SLC16A11: variants seen among roughly 807,000 people sequenced by gnomAD.
SLC16A11 encodes solute carrier family 16 member 11.
In SLC16A11, 24 loss-of-function variants were observed where a neutral mutation model predicts 26.0. The ratio of observed to expected loss-of-function variants is 0.92; its 90% CI spans 0.67 to 1.30. The LOEUF (loss-of-function observed/expected upper bound fraction) is 1.30, where lower values mean the gene tolerates loss of function less well. Ranked by LOEUF, SLC16A11 falls within the 50% of genes most tolerant of loss-of-function variation. The pLI, the probability that SLC16A11 is intolerant of heterozygous loss-of-function variation, is 0.00. For missense variants in SLC16A11, 638 were observed against 597.7 expected (o/e 1.07, Z -0.70); for synonymous variants, 332 against 296.0 (o/e 1.12, Z -1.25).
rs2151671264 is a variant in SLC16A11 at position 7,042,541 on chromosome 17, A to C, written c.569T>G (p.Leu190Arg). ...GTCTCCAGGAAGGACCAGGGGTAGC[A>C]GCAGGGCGCCACAGGGGGTGAGGTG... ...TLHLTPCGALLLPLVLPGDPP... is the reference protein window; with the variant it reads ...TLHLTPCGALRLPLVLPGDPP... The change falls in exon 4 of 5, where the codon CTG becomes CGG. Residue 190 changes from leucine (L) to arginine (R), a missense_variant. Transcript: ENST00000574600. The surrounding 1 kb of genome is among the most constrained non-coding windows in gnomAD (Gnocchi z 5.9). The C allele has an allele frequency of 6.4e-7, 1 of 1,574,570 alleles. No individual in the cohort carries two copies. The highest frequency in any genetic ancestry group is 2.3e-5 in the East Asian group (1 of 43,698).
At chr17:7,043,754 C>A in intron 1 of SLC16A11, 21 bp downstream of exon 1, 1 of 739,904 alleles carries the variant, frequency 1.4e-6, no homozygotes, top group South Asian at 2.2e-5. Context: ...CCCCGTCCCA[C>A]GCACACTCCT....
chr17:7,042,076 C>T lies in SLC16A11; in HGVS notation c.1034G>A (p.Gly345Asp), dbSNP rs149434738. Reference sequence around the variant, plus strand: ...TGTGGCCTGCACCACACCTCCGACGCCCACCAGCCCGGGGAGTACACCGAA... The same window carrying T: ...TGTGGCCTGCACCACACCTCCGACGTCCACCAGCCCGGGGAGTACACCGAA... The part of the protein sequence containing the change: ...LVFGVLPGLV[G>D]VGGVVQATGL... Residue 345 changes from glycine (G) to aspartate (D), a missense_variant, in exon 4 of 5, where the codon GGC (glycine) becomes GAC (aspartate). Gly to Asp is a moderately conservative substitution (Grantham distance 94). Transcript: ENST00000574600. The surrounding 1 kb of genome is among the most constrained non-coding windows in gnomAD (Gnocchi z 5.9). The T allele has an allele frequency of 6.2e-7, 1 of 1,606,928 alleles. No homozygotes were observed. Among genetic ancestry groups the T allele is most frequent in the Admixed American group, 1.7e-5 (1 of 59,652 alleles).
Position 7,041,694 on chromosome 17 carries a change from C to T in SLC16A11, c.1329G>A (p.Leu443=), listed in dbSNP as rs1455778793. ...AAGAAAATAATCAACAAGTGGTGTC[C>T]AGAGTGGAGCCAGGGCCTCCTGGGG... ...LLSPGGPGST[L]DTTC Residue 443 remains leucine (L), a synonymous_variant, in exon 5 of 5, where the codon CTG becomes CTA. Transcript: ENST00000574600. The T allele has an allele frequency of 6.2e-7, 1 of 1,607,110 alleles. No individual in the cohort carries two copies. Among genetic ancestry groups the T allele is most frequent in the Admixed American group, 1.7e-5 (1 of 58,846 alleles).
At position 7,042,296 on chromosome 17, in the gene SLC16A11, C is replaced by G. The variant is rs1485451680; in HGVS notation, c.814G>C (p.Val272Leu). 3 of 1,555,798 alleles carry G rather than the reference C, an allele frequency of 1.9e-6. No individual in the cohort carries two copies. The East Asian group carries it at 7.2e-5, about 38-fold the overall frequency. Reference sequence around the variant, plus strand: ...CCTTGGTCTGCCAGCCACCCGCAGACCAGCCGGGCGCCCGCATCCCCCATC... The same window carrying G: ...CCTTGGTCTGCCAGCCACCCGCAGAGCAGCCGGGCGCCCGCATCCCCCATC... Reference protein sequence around the residue: ...AAMGDAGARLVCGWLADQGWV... With the variant: ...AAMGDAGARLLCGWLADQGWV... The change falls in exon 4 of 5, where the codon GTC (valine) becomes CTC (leucine). Residue 272 changes from valine (V) to leucine (L), a missense_variant. Physicochemically the swap from Val to Leu is conservative, Grantham distance 32 (BLOSUM62 1). Transcript: ENST00000574600. The surrounding 1 kb of genome is among the most constrained non-coding windows in gnomAD (Gnocchi z 5.9).
rs1295668492 is a variant in SLC16A11, at chr17:7,042,748, A to T, written c.362T>A (p.Leu121Gln). Residue 121 changes from leucine (L) to glutamine (Q), a missense_variant, in exon 4 of 5, where the codon CTG (leucine) becomes CAG (glutamine). Physicochemically the swap from Leu to Gln is moderately radical, Grantham distance 113 (BLOSUM62 -2). Transcript: ENST00000574600. The surrounding 1 kb of genome is among the most constrained non-coding windows in gnomAD (Gnocchi z 5.9). ...LGLLAGFGWA[L>Q]VFAPALGTLS... is the part of the protein sequence containing the mutation. ...GGTGCCTAGGGCGGGGGCGAACACCAGGGCCCAACCAAAGCCTGCGAATGA... is the reference window on the plus strand; with the variant it reads ...GGTGCCTAGGGCGGGGGCGAACACCTGGGCCCAACCAAAGCCTGCGAATGA... The T allele has an allele frequency of 6.5e-7, 1 of 1,539,306 alleles. No homozygotes were observed. Among genetic ancestry groups the T allele is most frequent in the Middle Eastern group, 1.7e-4 (1 of 5,900 alleles).
rs753439025 is a variant in SLC16A11 at position 7,041,691 on chromosome 17, G to A, written c.1332C>T (p.Asp444=). The change falls in exon 5 of 5, where the codon GAC becomes GAT. Residue 444 remains aspartate, a synonymous_variant. Coordinates refer to ENST00000574600, the MANE Select transcript of SLC16A11 (RefSeq NM_001370549.1). The part of the protein sequence containing the change: ...LSPGGPGSTL[D]TTC ...AACAAGAAAATAATCAACAAGTGGT[G>A]TCCAGAGTGGAGCCAGGGCCTCCTG... The A allele has an allele frequency of 1.9e-6, 3 of 1,606,200 alleles. No homozygotes were observed. The highest frequency in any genetic ancestry group is 2.5e-6 in the Non-Finnish European group (3 of 1,176,618).
At position 7,042,871 on chromosome 17, in the gene SLC16A11, C is replaced by T. The variant is rs1910826758; in HGVS notation, c.346+59G>A. The T allele has an allele frequency of 6.2e-7, 1 of 1,607,752 alleles. No individual in the cohort carries two copies. Among genetic ancestry groups the T allele is most frequent in the Admixed American group, 1.7e-5 (1 of 59,376 alleles). ...CCCGCCTCGTTCGCTACCCCAGATC[C>T]CAACAAGCTCCTGTCACCTCCTTCA... On this transcript the variant is annotated intron_variant, in intron 3 of 4. Coordinates refer to ENST00000574600, the MANE Select transcript of SLC16A11 (RefSeq NM_001370549.1). The surrounding 1 kb of genome is among the most constrained non-coding windows in gnomAD (Gnocchi z 5.9).
chr17:7,041,919 G>A lies in SLC16A11; in HGVS notation c.1115-11C>T, dbSNP rs1290388759. On this transcript the variant is annotated splice_polypyrimidine_tract_variant and intron_variant, in intron 4 of 4. Coordinates refer to ENST00000574600, the MANE Select transcript of SLC16A11 (RefSeq NM_001370549.1). Reference sequence around the variant, plus strand: ...CATCCCTTAGGAAGCCTGAGGAGATGGGTAAGGGCATTTAGAAGCCTCGAA... The same window carrying A: ...CATCCCTTAGGAAGCCTGAGGAGATAGGTAAGGGCATTTAGAAGCCTCGAA... 6.2e-7 allele frequency: 1 copy of A among 1,612,534 alleles called. No homozygotes were observed. The highest frequency in any genetic ancestry group is 8.5e-7 in the Non-Finnish European group (1 of 1,178,932).
At position 7,043,075 on chromosome 17, in the gene SLC16A11, T is replaced by A. The variant is rs1289709293; in HGVS notation, c.203-2A>T. 3.9e-6 allele frequency: 6 copies of A among 1,537,864 alleles called. No individual in the cohort carries two copies. The highest frequency in any genetic ancestry group is 5.3e-6 in the Non-Finnish European group (6 of 1,142,148). ...TGCTCAGGGCGCTGCCCACGGGGCC[T>A]GAAAGGGGGCGGAGTCAACGGAAGA... On this transcript the variant is annotated splice_acceptor_variant, in intron 2 of 4. Coordinates refer to ENST00000574600, the MANE Select transcript of SLC16A11 (RefSeq NM_001370549.1). LOFTEE classifies it high-confidence loss of function.
In SLC16A11 at chr17:7,043,327, C is replaced by CGGCCAG. The variant is rs1337890315; in HGVS notation, c.181_186dup (p.Leu61_Ala62dup). Reference sequence around the variant, plus strand: ...CCCCCCTCACTGGCTGCCTGCTGCACGGCCAGGGCCAGGGCGCTGATCCAC... The same window carrying CGGCCAG: ...CCCCCCTCACTGGCTGCCTGCTGCACGGCCAGGGCCAGGGCCAGGGCGCTGATCCAC... On this transcript the variant is annotated inframe_insertion, in exon 2 of 5. Coordinates refer to ENST00000574600, the MANE Select transcript of SLC16A11 (RefSeq NM_001370549.1). 2.5e-6 allele frequency: 4 copies of CGGCCAG among 1,606,182 alleles called. No homozygotes were observed. The East Asian group carries it at 8.9e-5, about 36-fold the overall frequency.
rs773902402 is a variant in SLC16A11, at chr17:7,042,018, C to A, written c.1092G>T (p.Gly364=). 6.3e-6 allele frequency: 10 copies of A among 1,577,150 alleles called. No homozygotes were observed. In the African/African-American group the frequency reaches 8.1e-5, roughly 13 times the overall value. Residue 364 remains glycine (G), a synonymous_variant, in exon 4 of 5, where the codon GGG becomes GGT. Transcript: ENST00000574600. The surrounding 1 kb of genome is among the most constrained non-coding windows in gnomAD (Gnocchi z 5.9). Reference sequence around the variant, plus strand: ...TACCTGACAGGGGAGGGCCCAGGAGCCCCCCGAGGCTCATCAGCATCATCA... The same window carrying A: ...TACCTGACAGGGGAGGGCCCAGGAGACCCCCGAGGCTCATCAGCATCATCA... ...GLVMMLMSLG[G]LLGPPLSGFL...
At position 7,042,666 on chromosome 17, in the gene SLC16A11, G is replaced by T; in HGVS notation, c.444C>A (p.Gly148=). 6.4e-7 allele frequency: 1 copy of T among 1,558,184 alleles called. No homozygotes were observed. ...RVLAVGLALT[G]NGASSLLLAP... ...CCAGGAGCAGCGAGGAGGCCCCGTT[G>T]CCGGTGAGCGCCAGCCCCACCGCCA... Residue 148 remains glycine, a synonymous_variant, in exon 4 of 5, where the codon GGC becomes GGA. Transcript: ENST00000574600. The surrounding 1 kb of genome is among the most constrained non-coding windows in gnomAD (Gnocchi z 5.9).
At position 7,042,391 on chromosome 17, in the gene SLC16A11, T is replaced by C. The variant is rs775393105; in HGVS notation, c.719A>G (p.His240Arg). ...CCGGTCTAAAGCGTGGGGAGCCAAG[T>C]GCACGTAAGGAACGAAGTACCCGCC... ...VGGGYFVPYV[H>R]LAPHALDRGL... Residue 240 changes from histidine to arginine, a missense_variant, in exon 4 of 5, where the codon CAC becomes CGC. By Grantham distance (29) the His-to-Arg change is conservative. Coordinates refer to ENST00000574600, the MANE Select transcript of SLC16A11 (RefSeq NM_001370549.1). This position sits in a 1 kb window ranked among gnomAD's most constrained non-coding sequence, Gnocchi z 5.9. 55 of 1,565,168 alleles carry C rather than the reference T, an allele frequency of 3.5e-5. No individual in the cohort carries two copies. Among genetic ancestry groups the C allele is most frequent in the Middle Eastern group, 1.7e-4 (1 of 6,024 alleles).
chr17:7,043,808 G>A lies in SLC16A11; in HGVS notation c.-40C>T. 2 of 511,398 alleles carry A rather than the reference G, an allele frequency of 3.9e-6. No individual in the cohort carries two copies. Among genetic ancestry groups the A allele is most frequent in the Middle Eastern group, 5.1e-4 (1 of 1,942 alleles). The allele number at this position is 511,398 out of a possible 1,614,324, so 31.7% of individuals were successfully genotyped here. A position where few individuals can be genotyped will look rare whatever the true frequency, so the allele number is the denominator to read the frequency against. ...TCCGGGCGGTGCGGGGAGGGGAAGG[G>A]TGAGGAAGGGCTGGGCCCGGCTTTC... On this transcript the variant is annotated 5_prime_UTR_variant, in exon 1 of 5. Transcript: ENST00000574600.
In SLC16A11 at chr17:7,042,832, C is replaced by T. The variant is rs1910825436; in HGVS notation, c.347-69G>A. The T allele has an allele frequency of 1.7e-5, 27 of 1,573,232 alleles. No individual in the cohort carries two copies. Among genetic ancestry groups the T allele is most frequent in the Admixed American group, 7.4e-5 (4 of 54,254 alleles). ...CCGCCCCAGCATTCCCAGCCCGGCT[C>T]TCCGCACCAGGCCCCCGCCTCGTTC... On this transcript the variant is annotated intron_variant, in intron 3 of 4. Coordinates refer to ENST00000574600, the MANE Select transcript of SLC16A11 (RefSeq NM_001370549.1). The surrounding 1 kb of genome is among the most constrained non-coding windows in gnomAD (Gnocchi z 5.9).
rs760356847 is a variant in SLC16A11 at position 7,041,750 on chromosome 17, G to T, written c.1273C>A (p.Leu425Met). The change falls in exon 5 of 5, where the codon CTG (leucine) becomes ATG (methionine). Residue 425 changes from leucine (L) to methionine (M), a missense_variant. By Grantham distance (15) the Leu-to-Met change is conservative (BLOSUM62 2). Transcript: ENST00000574600. ...AAGACTGCCTGGGGAGCGGGAAGCA[G>T]CTCCCCCGTCTCTGGGGGAGGCGTG... ...PATPPPETGE[L>M]LPAPQAVLLS... 1.2e-6 allele frequency: 2 copies of T among 1,613,340 alleles called. No individual in the cohort carries two copies. The highest frequency in any genetic ancestry group is 4.5e-5 in the East Asian group (2 of 44,856).
chr17:7,042,954 A>G lies in SLC16A11; in HGVS notation c.322T>C (p.Tyr108His). ...CCAGCGAGGAGGCCCAGGCCGAGGT[A>G]GAGATGCAGCAGATCGCTGGCGAAA... ...SAFASDLLHLYLGLGLLAGFG... is the reference protein window; with the variant it reads ...SAFASDLLHLHLGLGLLAGFG... Residue 108 changes from tyrosine to histidine, a missense_variant, in exon 3 of 5, where the codon TAC (tyrosine) becomes CAC (histidine). By Grantham distance (83) the Tyr-to-His change is moderately conservative. Coordinates refer to ENST00000574600, the MANE Select transcript of SLC16A11 (RefSeq NM_001370549.1). This position sits in a 1 kb window ranked among gnomAD's most constrained non-coding sequence, Gnocchi z 5.9. 1 of 1,613,108 alleles carries G rather than the reference A, an allele frequency of 6.2e-7. No individual in the cohort carries two copies. The highest frequency in any genetic ancestry group is 8.5e-7 in the Non-Finnish European group (1 of 1,179,822).
intron 2 of SLC16A11, 41 bp from the exon 3 acceptor site, chr17:7,043,114 C>T (rs1206811389): frequency 1.3e-6 from 2 of 1,487,986 alleles, no homozygotes; most frequent in Non-Finnish European, 1.8e-6. Context: ...GCCCCCGGGC[C>T]CCCAAACTCT....
chr17:7,043,137 T>G, intron 2 of SLC16A11, 64 bp from the exon 3 acceptor site: 1 of 1,465,696 alleles, frequency 6.8e-7, no homozygotes, highest in African/African-American at 1.4e-5. Flanking sequence ...CCAACACTTC[T>G]CATTGGCTGT....
Sources: allele counts gnomAD v4.1 joint callset, GRCh38; gene constraint gnomAD v4.1.1; non-coding constraint Gnocchi (gnomAD v3.1); transcripts MANE v1.5; gene names NCBI Gene and HGNC (gene_info 2026-07-23, HGNC 2026-07-21).